PRCP: variants seen among roughly 807,000 people sequenced by gnomAD.
PRCP encodes prolylcarboxypeptidase, also known as lysosomal Pro-X carboxypeptidase.
PRCP carries 46 observed loss-of-function variants against 54.2 expected under a neutral mutation model. The observed-to-expected ratio is 0.85, with a 90% CI of 0.67 to 1.09. PRCP has a LOEUF of 1.09. Among genes scored for constraint, PRCP ranks in the 50% least tolerant of loss-of-function variants. The pLI, the probability that PRCP is intolerant of heterozygous loss-of-function variation, is 0.00. For missense variants in PRCP, 613 were observed against 596.8 expected, an observed-to-expected ratio of 1.03 and a Z score of -0.28; for synonymous variants, 240 against 212.2, an observed-to-expected ratio of 1.13 and a Z score of -1.14.
At position 82,824,488 on chromosome 11, in the gene PRCP, TTTTATCTATCTTCTGCTTTTACTTTG is replaced by T; in HGVS notation, c.*392_*417del. On this transcript the variant is annotated 3_prime_UTR_variant, in exon 9 of 9. Transcript: ENST00000313010. ...TCCTACCAGCTGCAATTACATCATT[TTTTATCTATCTTCTGCTTTTACTTTG>T]TGTAGGGTAGGGATGGGGACTTACA... The T allele has an allele frequency of 5.5e-6, 1 of 182,592 alleles. No homozygotes were observed. The highest frequency in any genetic ancestry group is 1.2e-5 in the Non-Finnish European group (1 of 86,578). 11.3% of individuals were successfully genotyped at this position (182,592 alleles called of 1,614,324 possible). A position where few individuals can be genotyped will look rare whatever the true frequency, so the allele number is the denominator to read the frequency against.
At chr11:82,900,080 T>C in intron 1 of PRCP, 155 bp downstream of exon 1, 2 of 970,784 alleles carry the variant, frequency 2.1e-6, no homozygotes, top group Non-Finnish European at 3.1e-6. Context: ...AGAACTGGGA[T>C]TTGGGACCAC....
rs1307453561 is a variant in PRCP at position 82,900,377 on chromosome 11, A to T, written c.26T>A (p.Leu9Gln). The T allele has an allele frequency of 6.2e-7, 1 of 1,613,710 alleles. No homozygotes were observed. Among genetic ancestry groups the T allele is most frequent in the Non-Finnish European group, 8.5e-7 (1 of 1,179,870 alleles). Residue 9 changes from leucine to glutamine, a missense_variant, in exon 1 of 9, where the codon CTG becomes CAG. Physicochemically the swap from Leu to Gln is moderately radical, Grantham distance 113. Coordinates refer to ENST00000313010, the MANE Select transcript of PRCP (RefSeq NM_005040.4). ...CCAGGGCGCCAGAAAAGACAGAAGC[A>T]GGAGCAGGAGGGCTCGGCGGCCCAT... MGRRALLL[L>Q]LLSFLAPWAT...
At chr11:82,854,831 C>A (rs1565224971) in intron 2 of PRCP, among the ~76,000 whole-genome samples, 1 of 152,108 alleles carries the variant, frequency 6.6e-6, no homozygotes, top group Admixed American at 6.5e-5. Context: ...GGCATGCAGA[C>A]CAATGTAACA....
chr11:82,855,902 G>A (rs1859071843), intron 2 of PRCP, among the ~76,000 whole-genome samples: 1 of 152,184 alleles, frequency 6.6e-6, no homozygotes, highest in Non-Finnish European at 1.5e-5. Flanking sequence ...TAAACTGTTA[G>A]TACGATATAA....
intron 6 of PRCP, among the ~76,000 whole-genome samples, chr11:82,843,867 A>G (rs183752423): frequency 6.6e-6 from 1 of 152,284 alleles, no homozygotes; most frequent in African/African-American, 2.4e-5. Context: ...AGGTCTGGCT[A>G]CAGATACACA....
intron 1 of PRCP, among the ~76,000 whole-genome samples, chr11:82,869,764 C>T (rs561753373): frequency 6.6e-6 from 1 of 152,326 alleles, no homozygotes; most frequent in African/African-American, 2.4e-5. Context: ...CCAAGAAGGT[C>T]AAGTTTGTGC....
chr11:82,850,014 T>C lies in PRCP; in HGVS notation c.651A>G (p.Val217=), dbSNP rs766408565. ...AATCTGTAGTTACGATCTTCATAAATACACCACAAGGTACTAAATCCTCAA... is the reference window on the plus strand; with the variant it reads ...AATCTGTAGTTACGATCTTCATAAACACACCACAAGGTACTAAATCCTCAA... ...WQFEDLVPCG[V]FMKIVTTDFR... Residue 217 remains valine (V), a synonymous_variant, in exon 5 of 9, where the codon GTA becomes GTG. Coordinates refer to ENST00000313010, the MANE Select transcript of PRCP (RefSeq NM_005040.4). The C allele has an allele frequency of 1.3e-6, 2 of 1,554,990 alleles. No homozygotes were observed. Among genetic ancestry groups the C allele is most frequent in the African/African-American group, 1.4e-5 (1 of 72,098 alleles).
In PRCP at chr11:82,838,415, T is replaced by C; in HGVS notation, c.1246A>G (p.Ile416Val). 6.2e-7 allele frequency: 1 copy of C among 1,611,778 alleles called. No homozygotes were observed. Among genetic ancestry groups the C allele is most frequent in the Non-Finnish European group, 8.5e-7 (1 of 1,179,284 alleles). ...WITTMYGGKN[I>V]SSHTNIVFSN... Reference sequence around the variant, plus strand: ...AAAACAATGTTTGTGTGTGAACTAATGTTTTTGCCTCCATACATAGTAGTG... The same window carrying C: ...AAAACAATGTTTGTGTGTGAACTAACGTTTTTGCCTCCATACATAGTAGTG... The change falls in exon 8 of 9, where the codon ATT (isoleucine) becomes GTT (valine). Residue 416 changes from isoleucine to valine, a missense_variant. Ile to Val is a conservative substitution (Grantham distance 29, BLOSUM62 3). Coordinates refer to ENST00000313010, the MANE Select transcript of PRCP (RefSeq NM_005040.4).
At chr11:82,840,192 G>C (rs1307302100) in intron 6 of PRCP, 1 of 151,966 alleles carries the variant, frequency 6.6e-6, no homozygotes, top group Non-Finnish European at 1.5e-5. Context: ...AAAATGCCTG[G>C]AATCCTAGCT....
At chr11:82,896,796 C>T (rs1484345387) in intron 1 of PRCP, among the ~76,000 whole-genome samples, 1 of 152,054 alleles carries the variant, frequency 6.6e-6, no homozygotes, top group Non-Finnish European at 1.5e-5. Flanking sequence ...CTCCAACCTA[C>T]CCTGAAGATT....
intron 6 of PRCP, 133 bp from the exon 7 acceptor site, chr11:82,839,558 T>A: frequency 1.0e-6 from 1 of 975,288 alleles, no homozygotes; most frequent in Non-Finnish European, 1.5e-6. Context: ...CAGTGTTTAA[T>A]TTCTCTCTTG....
intron 1 of PRCP, among the ~76,000 whole-genome samples, chr11:82,898,771 A>G (rs1457975023): frequency 1.3e-5 from 2 of 152,328 alleles, no homozygotes; most frequent in South Asian, 4.1e-4. Context: ...CTGAGAAAAA[A>G]GATTATTTCC....
rs142946438 is a variant in PRCP at position 82,839,298 on chromosome 11, G to T, written c.1049C>A (p.Ala350Glu). 5.5e-4 allele frequency: 891 copies of T among 1,613,898 alleles called. 7 individuals are homozygous for T. The African/African-American group carries it at 0.011, about 20-fold the overall frequency. The change falls in exon 7 of 9, where the codon GCA (alanine) becomes GAA (glutamate). Residue 350 changes from alanine (A) to glutamate (E), a missense_variant. Physicochemically the swap from Ala to Glu is moderately radical, Grantham distance 107 (BLOSUM62 -1). Transcript: ENST00000313010. ...ACCCAGTGTTCCCAGACTGCTAGTT[G>T]CTGTCTCTGAAATATTCAGGCATTT... ...QVKCLNISET[A>E]TSSLGTLGWS...
upstream of PRCP, among the ~76,000 whole-genome samples, chr11:82,901,117 T>C (rs896677460): frequency 6.6e-6 from 1 of 152,160 alleles, no homozygotes; most frequent in African/African-American, 2.4e-5. Flanking sequence ...ACTGTGCTCC[T>C]TGCACCCACC....
rs990492504 is a variant in PRCP at position 82,849,333 on chromosome 11, C to G, written c.752-115G>C. ...AAACTCAATCTTTTATACCCCTTCT[C>G]CCAGGATATTTTCAGAGCAACTGGA... On this transcript the variant is annotated intron_variant, in intron 5 of 8. Coordinates refer to ENST00000313010, the MANE Select transcript of PRCP (RefSeq NM_005040.4). 8 of 1,168,484 alleles carry G rather than the reference C, an allele frequency of 6.8e-6. No individual in the cohort carries two copies. In the African/African-American group the frequency reaches 9.4e-5, roughly 14 times the overall value. The allele number at this position is 1,168,484 out of a possible 1,614,324, so 72.4% of individuals were successfully genotyped here.
At chr11:82,845,271 A>C (rs1858780393) in intron 6 of PRCP, among the ~76,000 whole-genome samples, 1 of 152,208 alleles carries the variant, frequency 6.6e-6, no homozygotes, top group South Asian at 2.1e-4. Context: ...AGACAAAGTA[A>C]AGATAATGAT....
At position 82,865,675 on chromosome 11, in the gene PRCP, T is replaced by C. The variant is rs536355932; in HGVS notation, c.169-5558A>G. On this transcript the variant is annotated intron_variant, in intron 1 of 8. Coordinates refer to ENST00000313010, the MANE Select transcript of PRCP (RefSeq NM_005040.4). ...AATAAATCAAAGCACCTTAAAGGAGTTTTTCATGTGCTCTGGTTTCCAACT... is the reference window on the plus strand; with the variant it reads ...AATAAATCAAAGCACCTTAAAGGAGCTTTTCATGTGCTCTGGTTTCCAACT... Among the ~76,000 whole-genome samples, 7 of 149,556 alleles carry C rather than the reference T, an allele frequency of 4.7e-5. No individual in the cohort carries two copies. The South Asian group carries it at 1.5e-3, about 31-fold the overall frequency.
chr11:82,898,288 T>C (rs1383743224), intron 1 of PRCP, among the ~76,000 whole-genome samples: 1 of 152,126 alleles, frequency 6.6e-6, no homozygotes, highest in Non-Finnish European at 1.5e-5. Context: ...TTGCATATCA[T>C]CAAAAATGGA....
intron 1 of PRCP, among the ~76,000 whole-genome samples, chr11:82,883,738 G>T (rs1364901714): frequency 2.0e-5 from 3 of 152,202 alleles, no homozygotes; most frequent in Non-Finnish European, 4.4e-5. Flanking sequence ...GCTGCTGCAG[G>T]CCTCTCAGAT....
Sources: allele counts gnomAD v4.1 joint callset (sites outside exome capture counted in the v4.1 genomes callset), GRCh38; gene constraint gnomAD v4.1.1; transcripts MANE v1.5; gene names NCBI Gene and HGNC (gene_info 2026-07-23, HGNC 2026-07-21).